Variants in IQCH observed in about 807,000 individuals in gnomAD.
IQCH encodes IQ motif containing H.
Under a neutral mutation model 117.0 loss-of-function variants are expected in IQCH, and 98 were observed. That is an observed-to-expected ratio of 0.84 (90% CI 0.71 to 0.99). The LOEUF (loss-of-function observed/expected upper bound fraction) is 0.99, where lower values mean the gene tolerates loss of function less well. Ranked by LOEUF, IQCH falls within the 50% of genes least tolerant of loss-of-function variation. The pLI is 0.00. For synonymous variants in IQCH, 412 were observed against 448.2 expected (o/e 0.92, Z 1.02); for missense variants, 1,102 against 1,243.8 (o/e 0.89, Z 1.72).
chr15:67,279,534 G>C, intron 4 of IQCH, 22 bp downstream of exon 4: 1 of 1,393,944 alleles, frequency 7.2e-7, no homozygotes, highest in South Asian at 1.2e-5. Flanking sequence ...GAAATTCATA[G>C]AGACAGAAAG....
At chr15:67,319,990 T>A (rs1435820469) in intron 4 of IQCH, among the ~76,000 whole-genome samples, 2 of 152,274 alleles carry the variant, frequency 1.3e-5, no homozygotes, top group African/African-American at 4.8e-5. Flanking sequence ...AATCTCTTCA[T>A]TGACTTCGGC....
chr15:67,460,816 T>A (rs1241762196), intron 16 of IQCH, among the ~76,000 whole-genome samples: 4 of 152,202 alleles, frequency 2.6e-5, no homozygotes, highest in African/African-American at 9.6e-5. Flanking sequence ...TATTAGGTGA[T>A]TTTTAAGGGT....
rs537615309 is a variant in IQCH, at chr15:67,303,062, A to G, written c.387+23550A>G. On this transcript the variant is annotated intron_variant, in intron 4 of 20. Coordinates refer to ENST00000335894, the MANE Select transcript of IQCH (RefSeq NM_001031715.3). Reference sequence around the variant, plus strand: ...CAAAGAAATAGATGGATCATGAACAAATCTGTCCAATTCCTACAACATTTT... The same window carrying G: ...CAAAGAAATAGATGGATCATGAACAGATCTGTCCAATTCCTACAACATTTT... Among the ~76,000 whole-genome samples, 107 of 152,306 alleles carry G rather than the reference A, an allele frequency of 7.0e-4. 1 individual carries two copies. The highest frequency in any genetic ancestry group is 2.5e-3 in the African/African-American group (104 of 41,570).
At position 67,475,644 on chromosome 15, in the gene IQCH, A is replaced by AT. The variant is rs1459915820; in HGVS notation, c.2677-50dup. On this transcript the variant is annotated intron_variant, in intron 17 of 20. Coordinates refer to ENST00000335894, the MANE Select transcript of IQCH (RefSeq NM_001031715.3). The surrounding 1 kb of genome is among the most constrained non-coding windows in gnomAD (Gnocchi z 5.7). ...TCCTGTTAATCTCAAGTATTCCAAA[A>AT]TTACAAGTTTATTTAAATATCTGTT... 3 of 1,568,424 alleles carry AT rather than the reference A, an allele frequency of 1.9e-6. No individual in the cohort carries two copies. In the African/African-American group the frequency reaches 4.1e-5, roughly 21 times the overall value.
At chr15:67,488,907 C>T (rs1269595272) in intron 18 of IQCH, among the ~76,000 whole-genome samples, 1 of 152,156 alleles carries the variant, frequency 6.6e-6, no homozygotes, top group Non-Finnish European at 1.5e-5. Context: ...GGCCACAGAC[C>T]TGTCTGAGAC....
rs1278511666 is a variant in IQCH, at chr15:67,386,632, CA to C, written c.1456+1614del. On this transcript the variant is annotated intron_variant, in intron 11 of 20. Coordinates refer to ENST00000335894, the MANE Select transcript of IQCH (RefSeq NM_001031715.3). The surrounding 1 kb of genome is among the most constrained non-coding windows in gnomAD (Gnocchi z 5.0). The stretch of plus-strand genomic sequence containing the variant: ...TTATTCGGGGGAAACAAAGATAATC[CA>C]GTCACACTGGTAAGGCTTGTCACTA... Among the ~76,000 whole-genome samples the C allele has an allele frequency of 6.6e-6, 1 of 151,974 alleles. No individual in the cohort carries two copies. Among genetic ancestry groups the C allele is most frequent in the African/African-American group, 2.4e-5 (1 of 41,360 alleles).
In IQCH at chr15:67,315,896, C is replaced by T. The variant is rs150638203; in HGVS notation, c.388-21079C>T. Among the ~76,000 whole-genome samples, 1,162 of 152,210 alleles carry T rather than the reference C, an allele frequency of 7.6e-3. 9 individuals carry two copies. The highest frequency in any genetic ancestry group is 0.012 in the Admixed American group (190 of 15,284). On this transcript the variant is annotated intron_variant, in intron 4 of 20. Coordinates refer to ENST00000335894, the MANE Select transcript of IQCH (RefSeq NM_001031715.3). Reference sequence around the variant, plus strand: ...TATACGTCCTATCTGAGTAATTATACTATCCAGAGGATGAGAGAAACCCTG... The same window carrying T: ...TATACGTCCTATCTGAGTAATTATATTATCCAGAGGATGAGAGAAACCCTG...
intron 4 of IQCH, among the ~76,000 whole-genome samples, chr15:67,309,524 A>G (rs544900457): frequency 3.3e-5 from 5 of 152,144 alleles, no homozygotes; most frequent in East Asian, 1.9e-4. Flanking sequence ...CTCTGAAGCT[A>G]TATAGACTGA....
At chr15:67,301,435 A>T (rs554706978) in intron 4 of IQCH, among the ~76,000 whole-genome samples, 1 of 91,720 alleles carries the variant, frequency 1.1e-5, no homozygotes, top group Non-Finnish European at 2.0e-5. Flanking sequence ...TTTGAAACCG[A>T]GTCTCATTCT....
rs1336777593 is a variant in IQCH at position 67,408,761 on chromosome 15, C to T, written c.2098-8170C>T. On this transcript the variant is annotated intron_variant, in intron 14 of 20. Transcript: ENST00000335894. The surrounding 1 kb of genome is among the most constrained non-coding windows in gnomAD (Gnocchi z 4.2). Reference sequence around the variant, plus strand: ...TTTTCAATTAAAGAGCTTTCATCAGCATATGCAATTTTCTCAACCAGCGAT... The same window carrying T: ...TTTTCAATTAAAGAGCTTTCATCAGTATATGCAATTTTCTCAACCAGCGAT... Among the ~76,000 whole-genome samples, 1 of 152,160 alleles carries T rather than the reference C, an allele frequency of 6.6e-6. No individual in the cohort carries two copies. The highest frequency in any genetic ancestry group is 1.5e-5 in the Non-Finnish European group (1 of 68,042).
Position 67,413,833 on chromosome 15 carries a change from C to T in IQCH, c.2098-3098C>T, listed in dbSNP as rs1319263256. Among the ~76,000 whole-genome samples the T allele has an allele frequency of 2.0e-5, 3 of 152,152 alleles. No individual in the cohort carries two copies. The highest frequency in any genetic ancestry group is 4.8e-5 in the African/African-American group (2 of 41,436). On this transcript the variant is annotated intron_variant, in intron 14 of 20. Transcript: ENST00000335894. The surrounding 1 kb of genome is among the most constrained non-coding windows in gnomAD (Gnocchi z 5.0). Reference sequence around the variant, plus strand: ...GATTACTCCTCCAGATTCCAGCAGCCGACTTTCCTCTAGGAAATTTACCTC... The same window carrying T: ...GATTACTCCTCCAGATTCCAGCAGCTGACTTTCCTCTAGGAAATTTACCTC...
intron 12 of IQCH, among the ~76,000 whole-genome samples, chr15:67,393,000 C>T (rs902214418): frequency 3.3e-5 from 5 of 152,016 alleles, no homozygotes. Context: ...TTTAAGTGTA[C>T]AGTTTAGTGG....
At chr15:67,428,273 T>C (rs577971526) in intron 16 of IQCH, among the ~76,000 whole-genome samples, 252 of 152,288 alleles carry the variant, frequency 1.7e-3, no homozygotes, top group South Asian at 9.5e-3. Context: ...AAGCAATATA[T>C]GCAATATGAT....
At chr15:67,482,639 A>G (rs971116997) in intron 18 of IQCH, among the ~76,000 whole-genome samples, 1 of 152,236 alleles carries the variant, frequency 6.6e-6, no homozygotes, top group Non-Finnish European at 1.5e-5. Context: ...CTAGCAAAAA[A>G]GTTATTTATT....
chr15:67,361,408 G>A (rs1269625562), intron 8 of IQCH, among the ~76,000 whole-genome samples: 1 of 152,164 alleles, frequency 6.6e-6, no homozygotes, highest in Non-Finnish European at 1.5e-5. Flanking sequence ...CATCCAATTA[G>A]TAAATGACAG....
chr15:67,441,564 G>A (rs1276168904), intron 16 of IQCH, among the ~76,000 whole-genome samples: 1 of 152,096 alleles, frequency 6.6e-6, no homozygotes, highest in Non-Finnish European at 1.5e-5. Context: ...ACTAAATAGA[G>A]AACCCAGAAA....
At chr15:67,418,004 C>T (rs934037555) in intron 15 of IQCH, among the ~76,000 whole-genome samples, 4 of 152,148 alleles carry the variant, frequency 2.6e-5, no homozygotes, top group African/African-American at 9.7e-5. Context: ...AGGCACTCTT[C>T]TAAGTATATC....
Position 67,421,659 on chromosome 15 carries a change from T to C in IQCH, c.2505+82T>C, listed in dbSNP as rs912169914. On this transcript the variant is annotated intron_variant, in intron 16 of 20. Transcript: ENST00000335894. ...CACACCTACAGTACAACAGGGCATATGAGGGCTCTTCTAAAATGCACTGAT... is the reference window on the plus strand; with the variant it reads ...CACACCTACAGTACAACAGGGCATACGAGGGCTCTTCTAAAATGCACTGAT... 5.1e-6 allele frequency: 7 copies of C among 1,373,728 alleles called. No homozygotes were observed. In the African/African-American group the frequency reaches 8.7e-5, roughly 17 times the overall value. The allele number at this position is 1,373,728 out of a possible 1,614,324, so 85.1% of individuals were successfully genotyped here. A position where few individuals can be genotyped will look rare whatever the true frequency, so the allele number is the denominator to read the frequency against.
chr15:67,419,894 A>G (rs1041889257), intron 15 of IQCH, among the ~76,000 whole-genome samples: 1 of 152,234 alleles, frequency 6.6e-6, no homozygotes, highest in Non-Finnish European at 1.5e-5. Flanking sequence ...AAAATACCCA[A>G]GTAATCTTGT....
Sources: gnomAD v4.1 joint callset for allele counts (sites outside exome capture counted in the v4.1 genomes callset) on GRCh38, gnomAD v4.1.1 for gene constraint, Gnocchi (gnomAD v3.1) non-coding constraint, MANE v1.5 for transcripts, NCBI Gene and HGNC (gene_info 2026-07-23, HGNC 2026-07-21) for gene names.